The following PER2 variants were observed in gnomAD, a reference collection of about 807,000 sequenced individuals.
PER2 encodes the protein period circadian regulator 2.
Under a neutral mutation model 121.0 loss-of-function variants are expected in PER2, and 66 were observed. The ratio of observed to expected loss-of-function variants is 0.55; its 90% CI spans 0.45 to 0.67. The LOEUF is 0.67. PER2 is among the 30% of genes least tolerant of loss of function. The pLI is 0.00. For missense variants in PER2, 1,521 were observed against 1,635.0 expected, an observed-to-expected ratio of 0.93 and a Z score of 1.20; for synonymous variants, 684 against 659.9, an observed-to-expected ratio of 1.04 and a Z score of -0.56.
At position 238,250,686 on chromosome 2, in the gene PER2, T is replaced by C. The variant is rs1695574388; in HGVS notation, c.3332A>G (p.Asn1111Ser). The change falls in exon 21 of 23, where the codon AAT becomes AGT. Residue 1111 changes from asparagine (N) to serine (S), a missense_variant. Physicochemically the swap from Asn to Ser is conservative, Grantham distance 46. Transcript: ENST00000254657. ...AGTGTTCATTTTTGCTTTGTGATTA[T>C]TCTCTGAGGAGTCAATGCTTCCAAA... ...KYFGSIDSSE[N>S]NHKAKMNTGM... The C allele has an allele frequency of 6.2e-7, 1 of 1,613,958 alleles. No individual in the cohort carries two copies. Among genetic ancestry groups the C allele is most frequent in the Non-Finnish European group, 8.5e-7 (1 of 1,179,768 alleles).
intron 18 of PER2, among the ~76,000 whole-genome samples, chr2:238,254,006 C>G (rs2106368946): frequency 6.6e-6 from 1 of 152,306 alleles, no homozygotes; most frequent in East Asian, 1.9e-4. Flanking sequence ...ATACAAAGTT[C>G]TATTTGTTAA....
At chr2:238,292,536 G>A (rs1320943087), upstream of PER2, among the ~76,000 whole-genome samples, 2 of 152,192 alleles carry the variant, frequency 1.3e-5, no homozygotes, top group African/African-American at 4.8e-5. Context: ...GTGAGAGTGG[G>A]CATCCTTGGC....
the PER2 span, among the ~76,000 whole-genome samples, chr2:238,297,633 CCCTGGA>C: frequency 6.6e-6 from 1 of 152,178 alleles, no homozygotes; most frequent in African/African-American, 2.4e-5. Flanking sequence ...AGACTGTGTG[CCCTGGA>C]CCACATATGC....
At chr2:238,285,527 A>T (rs769424664) in intron 1 of PER2, among the ~76,000 whole-genome samples, 4 of 152,222 alleles carry the variant, frequency 2.6e-5, no homozygotes, top group Non-Finnish European at 5.9e-5. Flanking sequence ...AGGACTGGTA[A>T]AGTCTTACTG....
chr2:238,265,462 T>C lies in PER2; in HGVS notation c.1046+50A>G, dbSNP rs747058105. ...AGATGCAGTCTTGGCTTTGGCTAAATAGCTTTTATATCAAAAACATGAAAA... is the reference window on the plus strand; with the variant it reads ...AGATGCAGTCTTGGCTTTGGCTAAACAGCTTTTATATCAAAAACATGAAAA... On this transcript the variant is annotated intron_variant, in intron 9 of 22. Transcript: ENST00000254657. 6.7e-6 allele frequency: 8 copies of C among 1,194,160 alleles called. No homozygotes were observed. In the South Asian group the frequency reaches 8.6e-5, roughly 13 times the overall value. 74.0% of individuals were successfully genotyped at this position (1,194,160 alleles called of 1,614,324 possible).
chr2:238,257,156 AC>A lies in PER2; in HGVS notation c.1901-71del, dbSNP rs1054445615. 6.2e-6 allele frequency: 9 copies of A among 1,441,046 alleles called. No homozygotes were observed. In the African/African-American group the frequency reaches 1.3e-4, roughly 20 times the overall value. The allele number at this position is 1,441,046 out of a possible 1,614,324, so 89.3% of individuals were successfully genotyped here. A position where few individuals can be genotyped will look rare whatever the true frequency, so the allele number is the denominator to read the frequency against. ...TGCACTGTGCAGATGAGAAACCGAC[AC>A]CCAAGTGCCCATACAGCTTCCACAC... On this transcript the variant is annotated intron_variant, in intron 16 of 22. Transcript: ENST00000254657.
intron 14 of PER2, among the ~76,000 whole-genome samples, chr2:238,259,298 CA>C (rs1371517121): frequency 1.3e-5 from 2 of 152,326 alleles, no homozygotes; most frequent in East Asian, 3.9e-4. Context: ...AAGGGCCCAC[CA>C]GGGGGAGGGG....
chr2:238,277,981 G>T (rs962342042), intron 1 of PER2, 26 bp from the exon 2 acceptor site: 17 of 1,600,016 alleles, frequency 1.1e-5, no homozygotes, highest in Non-Finnish European at 1.4e-5. Context: ...ATGCTGTCAC[G>T]CATTAACAAG....
At chr2:238,282,297 T>A (rs1250494302) in intron 1 of PER2, among the ~76,000 whole-genome samples, 2 of 152,030 alleles carry the variant, frequency 1.3e-5, no homozygotes, top group Non-Finnish European at 2.9e-5. Context: ...AACAGCACCG[T>A]CTCCCCACCA....
intron 21 of PER2, among the ~76,000 whole-genome samples, chr2:238,249,780 G>C (rs1472109273): frequency 6.6e-6 from 1 of 152,180 alleles, no homozygotes; most frequent in Non-Finnish European, 1.5e-5. Flanking sequence ...CGATCTGATG[G>C]GTTTATAAGT....
chr2:238,246,949 A>G (rs1357238712), intron 22 of PER2, among the ~76,000 whole-genome samples: 1 of 152,212 alleles, frequency 6.6e-6, no homozygotes, highest in Admixed American at 6.5e-5. Context: ...CTGGCAGCAA[A>G]GGCCAAAATC....
Position 238,261,791 on chromosome 2 carries a change from C to T in PER2, c.1354G>A (p.Glu452Lys), listed in dbSNP as rs1434022598. The T allele has an allele frequency of 6.3e-7, 1 of 1,577,756 alleles. No homozygotes were observed. ...DVFAAHPCTE[E>K]KALHPSIQEL... is the part of the protein sequence containing the mutation. ...TGAATGCTGGGGTGCAGGGCCTTCT[C>T]CTCTGTGCAGGGGTGGGCTGCAAAC... Residue 452 changes from glutamate (E) to lysine (K), a missense_variant, in exon 12 of 23, where the codon GAG becomes AAG. Physicochemically the swap from Glu to Lys is moderately conservative, Grantham distance 56. Coordinates refer to ENST00000254657, the MANE Select transcript of PER2 (RefSeq NM_022817.3).
chr2:238,270,776 A>G (rs1161721391), intron 6 of PER2, among the ~76,000 whole-genome samples: 1 of 152,238 alleles, frequency 6.6e-6, no homozygotes, highest in Non-Finnish European at 1.5e-5. Flanking sequence ...AGCAGCCAAG[A>G]AGGCTGCCAT....
In PER2 at chr2:238,258,630, G is replaced by GATT; in HGVS notation, c.1639_1641dup (p.Asn547dup). The GATT allele has an allele frequency of 6.2e-7, 1 of 1,614,036 alleles. No individual in the cohort carries two copies. The highest frequency in any genetic ancestry group is 8.5e-7 in the Non-Finnish European group (1 of 1,180,000). ...GGGACAGCTTTCTTCTCAGCTGGGGGATTAGTTTGCATTTCTGAAGGAATG... is the reference window on the plus strand; with the variant it reads ...GGGACAGCTTTCTTCTCAGCTGGGGGATTATTAGTTTGCATTTCTGAAGGAATG... On this transcript the variant is annotated inframe_insertion, in exon 15 of 23. Transcript: ENST00000254657.
chr2:238,293,595 C>T (rs1323421035), upstream of PER2, among the ~76,000 whole-genome samples: 14 of 151,778 alleles, frequency 9.2e-5, no homozygotes, highest in Admixed American at 1.3e-4. Context: ...ATTAGCCGGG[C>T]GTGGTGGCAC....
intron 1 of PER2, among the ~76,000 whole-genome samples, chr2:238,284,126 C>T (rs1352322776): frequency 6.6e-6 from 1 of 152,164 alleles, no homozygotes; most frequent in Non-Finnish European, 1.5e-5. Flanking sequence ...GTAATATTAG[C>T]TTATCACTGC....
At chr2:238,249,314 A>G in intron 21 of PER2, 102 bp from the exon 22 acceptor site, 1 of 1,266,964 alleles carries the variant, frequency 7.9e-7, no homozygotes, top group Non-Finnish European at 1.1e-6. Flanking sequence ...TGTTTAATGC[A>G]AATTTCCTTT....
Position 238,249,076 on chromosome 2 carries a change from C to T in PER2, c.3604G>A (p.Ala1202Thr), listed in dbSNP as rs777083409. ...QWMQTGGLPAAIDVAECVYCE... is the reference protein window; with the variant it reads ...QWMQTGGLPATIDVAECVYCE... ...CGTGAGCTTACTGCCACGTCGATGG[C>T]TGCGGGCAGGCCGCCCGTCTGCATC... The change falls in exon 22 of 23, where the codon GCC becomes ACC. Residue 1202 changes from alanine (A) to threonine (T), a missense_variant. Coordinates refer to ENST00000254657, the MANE Select transcript of PER2 (RefSeq NM_022817.3). 1.2e-6 allele frequency: 2 copies of T among 1,614,178 alleles called. No homozygotes were observed. The highest frequency in any genetic ancestry group is 1.7e-6 in the Non-Finnish European group (2 of 1,180,036).
chr2:238,255,510 T>G, intron 18 of PER2, 147 bp downstream of exon 18: 1 of 833,722 alleles, frequency 1.2e-6, no homozygotes, highest in Admixed American at 1.8e-5. Context: ...CAGAAACAGA[T>G]GGCGTTGCCA....
Sources: allele counts gnomAD v4.1 joint callset (sites outside exome capture counted in the v4.1 genomes callset), GRCh38; gene constraint gnomAD v4.1.1; transcripts MANE v1.5; gene names NCBI Gene and HGNC (gene_info 2026-07-23, HGNC 2026-07-21).